Variants in PCGF5 observed in about 807,000 individuals in gnomAD.
PCGF5 encodes polycomb group RING finger protein 5.
PCGF5 carries 9 observed loss-of-function variants against 44.3 expected under a neutral mutation model. The ratio of observed to expected loss-of-function variants is 0.20; its 90% CI spans 0.12 to 0.35. PCGF5 has a LOEUF of 0.35. Among genes scored for constraint, PCGF5 ranks in the 10% least tolerant of loss-of-function variants. The pLI is 1.00. For missense variants in PCGF5, 146 were observed against 305.3 expected, an observed-to-expected ratio of 0.48 and a Z score of 3.89; for synonymous variants, 95 against 102.5, an observed-to-expected ratio of 0.93 and a Z score of 0.44.
intron 1 of PCGF5, among the ~76,000 whole-genome samples, chr10:91,169,592 A>G (rs1843567679): frequency 6.6e-6 from 1 of 152,248 alleles, no homozygotes; most frequent in Non-Finnish European, 1.5e-5. Context: ...TATAAAATCT[A>G]TGTGAGGAAA....
chr10:91,198,519 C>A (rs1451142987), intron 1 of PCGF5, among the ~76,000 whole-genome samples: 2 of 152,226 alleles, frequency 1.3e-5, no homozygotes. Context: ...CTGGAGGTCA[C>A]CCCAAACCAC....
intron 2 of PCGF5, among the ~76,000 whole-genome samples, chr10:91,224,187 G>A (rs1289510567): frequency 3.3e-5 from 5 of 152,138 alleles, no homozygotes; most frequent in African/African-American, 7.2e-5. Context: ...AGATAAAGTG[G>A]GTCTTGTGGT....
chr10:91,251,326 T>G lies in PCGF5; in HGVS notation c.360T>G (p.Asp120Glu), dbSNP rs756964181. ...CAAAAGCTGACAAACCGAAAGTAGA[T>G]GAAGAAGGTGATGAAAATGAAGATG... ...DTSKADKPKV[D>E]EEGDENEDDK... is the part of the protein sequence containing the mutation. Residue 120 changes from aspartate to glutamate, a missense_variant, in exon 6 of 10, where the codon GAT (aspartate) becomes GAG (glutamate). Physicochemically the swap from Asp to Glu is conservative, Grantham distance 45. This residue lies in a region of PCGF5 where 123 missense variants were observed against 268.6 expected (regional missense o/e 0.46). Coordinates refer to ENST00000336126, the MANE Select transcript of PCGF5 (RefSeq NM_032373.5). 50 of 1,610,186 alleles carry G rather than the reference T, an allele frequency of 3.1e-5. 1 individual carries two copies. In the South Asian group the frequency reaches 5.2e-4, roughly 17 times the overall value.
chr10:91,210,566 G>A (rs1026070293), intron 1 of PCGF5, among the ~76,000 whole-genome samples: 4 of 152,122 alleles, frequency 2.6e-5, no homozygotes, highest in Non-Finnish European at 5.9e-5. Context: ...AGAAGCACAG[G>A]GCCAGCAGAA....
At chr10:91,163,408 C>T (rs981017496) in intron 1 of PCGF5, among the ~76,000 whole-genome samples, 1 of 151,942 alleles carries the variant, frequency 6.6e-6, no homozygotes, top group African/African-American at 2.4e-5. Flanking sequence ...CGCGGCCCCG[C>T]CGCGGGAGCA....
chr10:91,226,430 A>G (rs74846382), intron 2 of PCGF5, among the ~76,000 whole-genome samples: 1 of 152,096 alleles, frequency 6.6e-6, no homozygotes, highest in Admixed American at 6.5e-5. Flanking sequence ...TCCTGAAGCT[A>G]CAGACCATAT....
At chr10:91,239,218 T>C (rs937556383) in intron 2 of PCGF5, among the ~76,000 whole-genome samples, 2 of 152,188 alleles carry the variant, frequency 1.3e-5, no homozygotes, top group Non-Finnish European at 2.9e-5. Flanking sequence ...CCATAAGAAT[T>C]TGGGCTTTGT....
chr10:91,159,791 T>C (rs539546423), upstream of PCGF5, among the ~76,000 whole-genome samples: 3 of 152,336 alleles, frequency 2.0e-5, no homozygotes, highest in African/African-American at 7.2e-5. Context: ...CAAGGTCAGA[T>C]AAACTAAAAT....
In PCGF5 at chr10:91,185,136, G is replaced by C. The variant is rs10437466; in HGVS notation, c.-184+22055G>C. Among the ~76,000 whole-genome samples the C allele has an allele frequency of 5.3e-3, 814 of 152,320 alleles. 9 individuals are homozygous for C. The highest frequency in any genetic ancestry group is 0.019 in the African/African-American group (774 of 41,570). On this transcript the variant is annotated intron_variant, in intron 1 of 9. Coordinates refer to the PCGF5 transcript ENST00000614189. ...GCTAAGTCACCCAGACAGCAAAGAT[G>C]GTGGCCCACCCCTCCTTCTGGGAAC...
intron 1 of PCGF5, among the ~76,000 whole-genome samples, chr10:91,198,086 G>A (rs1010356401): frequency 6.6e-5 from 10 of 152,158 alleles, no homozygotes; most frequent in Admixed American, 6.5e-5. Flanking sequence ...TTACTTTTCA[G>A]GCAATGAGAA....
chr10:91,164,944 G>A (rs990840550), intron 1 of PCGF5, among the ~76,000 whole-genome samples: 1 of 152,188 alleles, frequency 6.6e-6, no homozygotes, highest in Admixed American at 6.5e-5. Flanking sequence ...CTAGGGATTT[G>A]GGCTGTTTTG....
intron 1 of PCGF5, among the ~76,000 whole-genome samples, chr10:91,181,880 A>G (rs1300371864): frequency 6.6e-6 from 1 of 152,206 alleles, no homozygotes; most frequent in African/African-American, 2.4e-5. Flanking sequence ...CTGGCCTCAT[A>G]GAATGAATTA....
intron 1 of PCGF5, among the ~76,000 whole-genome samples, chr10:91,210,893 TAGA>T (rs1844439870): frequency 6.6e-6 from 1 of 152,242 alleles, no homozygotes; most frequent in Non-Finnish European, 1.5e-5. Flanking sequence ...CATTTAAATG[TAGA>T]AGAATATCTC....
chr10:91,255,879 G>A (rs961642629), intron 6 of PCGF5, among the ~76,000 whole-genome samples: 7 of 152,134 alleles, frequency 4.6e-5, no homozygotes, highest in South Asian at 2.1e-4. Context: ...GTATTTGCAC[G>A]TAACGTATGC....
chr10:91,226,333 G>C (rs1844839996), intron 2 of PCGF5, among the ~76,000 whole-genome samples: 2 of 146,254 alleles, frequency 1.4e-5, no homozygotes, highest in African/African-American at 5.0e-5. Context: ...AGTGCAATGA[G>C]GAAGGACAGA....
chr10:91,283,589 AAATGT>A lies in PCGF5; in HGVS notation c.*5278_*5282del, dbSNP rs1253291595. On this transcript the variant is annotated 3_prime_UTR_variant, in exon 10 of 10. Transcript: ENST00000336126. ...CTGGAGCAGGAGTTCTACACATTAAAAATGTAATGGGATCAGCCTAGCATTGTTTG... is the reference window on the plus strand; with the variant it reads ...CTGGAGCAGGAGTTCTACACATTAAAAATGGGATCAGCCTAGCATTGTTTG... 1.3e-5 allele frequency: 2 copies of A among 152,192 alleles called. No homozygotes were observed. The highest frequency in any genetic ancestry group is 4.8e-5 in the African/African-American group (2 of 41,438). The allele number at this position is 152,192 out of a possible 1,614,324, so 9.4% of individuals were successfully genotyped here.
chr10:91,209,178 C>T (rs1161373684), intron 1 of PCGF5, among the ~76,000 whole-genome samples: 1 of 152,154 alleles, frequency 6.6e-6, no homozygotes, highest in Admixed American at 6.5e-5. Flanking sequence ...TTTTTTCTGA[C>T]ATAATTTCAT....
chr10:91,253,048 G>T (rs186934226), intron 6 of PCGF5, among the ~76,000 whole-genome samples: 168 of 151,358 alleles, frequency 1.1e-3, no homozygotes, highest in African/African-American at 4.0e-3. Context: ...TTTTCCTGTG[G>T]CATTCCTGCT....
At chr10:91,205,596 C>G (rs1459964563) in intron 1 of PCGF5, among the ~76,000 whole-genome samples, 1 of 152,202 alleles carries the variant, frequency 6.6e-6, no homozygotes, top group East Asian at 1.9e-4. Flanking sequence ...ATTCCTCTAT[C>G]CATCAAACAC....
Sources: gnomAD v4.1 joint callset for allele counts (sites outside exome capture counted in the v4.1 genomes callset) on GRCh38, gnomAD v4.1.1 for gene constraint, gnomAD v4.1.1 regional missense constraint, MANE v1.5 for transcripts, NCBI Gene and HGNC (gene_info 2026-07-23, HGNC 2026-07-21) for gene names.